Variants in LANCL3 observed in about 807,000 individuals in gnomAD.
LANCL3 encodes LanC like family member 3.
In LANCL3, 19 loss-of-function variants were observed where a neutral mutation model predicts 26.5. The observed-to-expected ratio is 0.72, with a 90% CI of 0.50 to 1.05. The LOEUF is 1.05. Among genes scored for constraint, LANCL3 ranks in the 50% least tolerant of loss-of-function variants. The pLI is 0.00. For synonymous variants in LANCL3, 160 were observed against 166.6 expected, an observed-to-expected ratio of 0.96 and a Z score of 0.30; for missense variants, 318 against 362.7, an observed-to-expected ratio of 0.88 and a Z score of 1.00.
rs150143682 is a variant in LANCL3 at position 37,587,201 on chromosome X, C to T, written c.573+14758C>T. On this transcript the variant is annotated intron_variant, in intron 1 of 4. Transcript: ENST00000378619. ...CCCGGCTGTGTGAGGTGTCAGTCTA[C>T]CCCTACTAGGGGGTGCCTCCCAGTT... is the stretch of plus-strand genomic sequence containing the variant. 1.2e-3 allele frequency among the ~76,000 whole-genome samples: 136 copies of T among 112,691 alleles called. 1 individual carries two copies. The Middle Eastern group carries it at 0.014, about 11-fold the overall frequency.
At chrX:37,587,892 C>A (rs1362243927) in intron 1 of LANCL3, among the ~76,000 whole-genome samples, 15 of 112,398 alleles carry the variant, frequency 1.3e-4, no homozygotes, top group Admixed American at 6.6e-4. Flanking sequence ...ATCTCTCACG[C>A]TGGGAGCTGT....
intron 1 of LANCL3, among the ~76,000 whole-genome samples, chrX:37,583,663 ATT>A (rs1188437182): frequency 8.9e-6 from 1 of 111,993 alleles, no homozygotes; most frequent in Non-Finnish European, 1.9e-5. Flanking sequence ...TTGCACATTG[ATT>A]TTGTATCCTG....
Position 37,572,162 on chromosome X carries a change from C to G in LANCL3, c.292C>G (p.Arg98Gly). The G allele has an allele frequency of 8.4e-7, 1 of 1,190,491 alleles. No homozygotes were observed. The highest frequency in any genetic ancestry group is 3.0e-5 in the East Asian group (1 of 33,540). Residue 98 changes from arginine to glycine, a missense_variant, in exon 1 of 5, where the codon CGC becomes GGC. Arg to Gly is a moderately radical substitution (Grantham distance 125). Transcript: ENST00000378619. ...ARERYLRSAKRLIDACARAEE... is the reference protein window; with the variant it reads ...ARERYLRSAKGLIDACARAEE... The stretch of plus-strand genomic sequence containing the variant: ...GGAACGCTACCTGCGCTCGGCTAAG[C>G]GCCTCATCGACGCGTGCGCCCGCGC...
At chrX:37,611,002 A>T (rs1373975248) in intron 1 of LANCL3, among the ~76,000 whole-genome samples, 2 of 111,834 alleles carry the variant, frequency 1.8e-5, no homozygotes, top group African/African-American at 6.5e-5. Flanking sequence ...GTGTGATAAT[A>T]AGCAGGTTAT....
chrX:37,680,137 C>T lies in LANCL3; in HGVS notation c.*4324C>T, dbSNP rs1156881096. 1.8e-5 allele frequency: 2 copies of T among 111,570 alleles called. No homozygotes were observed. Among genetic ancestry groups the T allele is most frequent in the African/African-American group, 6.5e-5 (2 of 30,632 alleles). 9.2% of individuals were successfully genotyped at this position (111,570 alleles called of 1,213,427 possible). A position where few individuals can be genotyped will look rare whatever the true frequency, so the allele number is the denominator to read the frequency against. On this transcript the variant is annotated 3_prime_UTR_variant, in exon 5 of 5. Transcript: ENST00000378619. ...CTTTGGACAGAAGGGCAGACAACCT[C>T]AAGGTCAGCAGCAACAGAAGTTGGG...
At chrX:37,673,353 G>A (rs1055189684) in intron 4 of LANCL3, among the ~76,000 whole-genome samples, 5 of 110,671 alleles carry the variant, frequency 4.5e-5, no homozygotes, top group South Asian at 3.8e-4. Flanking sequence ...ATGTTCTAGA[G>A]TTTATACATG....
intron 1 of LANCL3, among the ~76,000 whole-genome samples, chrX:37,598,274 T>C (rs1924491477): frequency 8.9e-6 from 1 of 111,996 alleles, no homozygotes; most frequent in Non-Finnish European, 1.9e-5. Flanking sequence ...ATTGTTTGTA[T>C]CAATGCTTTG....
At chrX:37,664,548 CT>C (rs1311785879) in intron 3 of LANCL3, among the ~76,000 whole-genome samples, 6 of 110,901 alleles carry the variant, frequency 5.4e-5, no homozygotes, top group African/African-American at 2.0e-4. Context: ...CAATTAACCA[CT>C]TTATTATTTT....
intron 1 of LANCL3, among the ~76,000 whole-genome samples, chrX:37,632,777 T>C (rs1307497940): frequency 8.9e-6 from 1 of 111,818 alleles, no homozygotes; most frequent in African/African-American, 3.3e-5. Flanking sequence ...TGTTGAATAT[T>C]GGCCCCCACT....
At chrX:37,608,492 G>T (rs967635651) in intron 1 of LANCL3, among the ~76,000 whole-genome samples, 7 of 111,891 alleles carry the variant, frequency 6.3e-5, no homozygotes, top group Admixed American at 1.9e-4. Flanking sequence ...GGGAAAATAA[G>T]AATAAATGTG....
chrX:37,581,080 C>T (rs1556416957), intron 1 of LANCL3, among the ~76,000 whole-genome samples: 1 of 112,415 alleles, frequency 8.9e-6, no homozygotes, highest in Non-Finnish European at 1.9e-5. Context: ...CTCTACTGAG[C>T]TTCAGGTGAT....
chrX:37,674,434 G>C (rs1037900910), intron 4 of LANCL3, among the ~76,000 whole-genome samples: 2 of 111,031 alleles, frequency 1.8e-5, no homozygotes, highest in African/African-American at 6.5e-5. Flanking sequence ...CACAAATTTG[G>C]CTTTAAAATT....
At chrX:37,591,794 G>T (rs1237697598) in intron 1 of LANCL3, among the ~76,000 whole-genome samples, 1 of 87,492 alleles carries the variant, frequency 1.1e-5, no homozygotes, top group Non-Finnish European at 1.9e-5. Flanking sequence ...AGTTGTACTT[G>T]TAGCCCAAAG....
chrX:37,673,058 C>T (rs782770337), intron 4 of LANCL3, among the ~76,000 whole-genome samples: 1 of 111,847 alleles, frequency 8.9e-6, no homozygotes, highest in Admixed American at 9.5e-5. Context: ...GGGTTTTCTA[C>T]CTCTTCTTTT....
chrX:37,675,772 C>T lies in LANCL3; in HGVS notation c.1222C>T (p.Pro408Ser), dbSNP rs1174945981. The T allele has an allele frequency of 3.1e-5, 36 of 1,157,934 alleles. No individual in the cohort carries two copies. Among genetic ancestry groups the T allele is most frequent in the Non-Finnish European group, 3.8e-5 (33 of 868,581 alleles). ...GTGCTTTCTGATTGACCTGCTGCAG[C>T]CCAATCAGGCTGAATTCCCACTCTT... The part of the protein sequence containing the change: ...TVCFLIDLLQ[P>S]NQAEFPLFSV... Residue 408 changes from proline to serine, a missense_variant, in exon 5 of 5, where the codon CCC (proline) becomes TCC (serine). Pro to Ser is a moderately conservative substitution (Grantham distance 74, BLOSUM62 -1). Transcript: ENST00000378619.
intron 1 of LANCL3, among the ~76,000 whole-genome samples, chrX:37,612,853 A>G (rs1924913723): frequency 9.0e-6 from 1 of 111,726 alleles, no homozygotes; most frequent in African/African-American, 3.3e-5. Flanking sequence ...TATTACAGGG[A>G]ATTCCTAACA....
rs192898409 is a variant in LANCL3, at chrX:37,622,598, T to C, written c.574-33090T>C. 3.2e-4 allele frequency among the ~76,000 whole-genome samples: 36 copies of C among 112,055 alleles called. No individual in the cohort carries two copies. The East Asian group carries it at 9.2e-3, about 29-fold the overall frequency. On this transcript the variant is annotated intron_variant, in intron 1 of 4. Transcript: ENST00000378619. ...GAGTAATACATGAATTGCACACTTC[T>C]TCATGTCTTTTGAGCCTGCTGCAAA...
In LANCL3 at chrX:37,677,500, C is replaced by T. The variant is rs889090991; in HGVS notation, c.*1687C>T. The stretch of plus-strand genomic sequence containing the variant: ...GGACAAAATGATTTTGAAATGCATA[C>T]ATCTTTTCAGCTTCCTGTTTCATTT... On this transcript the variant is annotated 3_prime_UTR_variant, in exon 5 of 5. Coordinates refer to ENST00000378619, the MANE Select transcript of LANCL3 (RefSeq NM_001170331.2). 2.0e-4 allele frequency: 22 copies of T among 112,156 alleles called. No individual in the cohort carries two copies. The highest frequency in any genetic ancestry group is 2.6e-4 in the Non-Finnish European group (14 of 53,125). 9.2% of individuals were successfully genotyped at this position (112,156 alleles called of 1,213,427 possible).
In LANCL3 at chrX:37,676,366, A is replaced by G. The variant is rs1926807721; in HGVS notation, c.*553A>G. 8.9e-6 allele frequency: 1 copy of G among 112,203 alleles called. No homozygotes were observed. Among genetic ancestry groups the G allele is most frequent in the Non-Finnish European group, 1.9e-5 (1 of 53,252 alleles). 9.2% of individuals were successfully genotyped at this position (112,203 alleles called of 1,213,427 possible). A position where few individuals can be genotyped will look rare whatever the true frequency, so the allele number is the denominator to read the frequency against. ...GTTTTTACTGAGCAAAGATATTTGC[A>G]TATGAATCTCTATTTTTTTCATTAC... is the stretch of plus-strand genomic sequence containing the variant. On this transcript the variant is annotated 3_prime_UTR_variant, in exon 5 of 5. Coordinates refer to ENST00000378619, the MANE Select transcript of LANCL3 (RefSeq NM_001170331.2).
Sources: gnomAD v4.1 joint callset for allele counts (sites outside exome capture counted in the v4.1 genomes callset) on GRCh38, gnomAD v4.1.1 for gene constraint, MANE v1.5 for transcripts, NCBI Gene and HGNC (gene_info 2026-07-23, HGNC 2026-07-21) for gene names.